The following DOCK10 variants were observed in gnomAD, a reference collection of about 807,000 sequenced individuals.
DOCK10 encodes dedicator of cytokinesis 10.
DOCK10 carries 145 observed loss-of-function variants against 280.1 expected under a neutral mutation model. The observed-to-expected ratio is 0.52, with a 90% CI of 0.45 to 0.59. The LOEUF (loss-of-function observed/expected upper bound fraction) is 0.59. DOCK10 is among the 20% of genes least tolerant of loss of function. The pLI, the probability that DOCK10 is intolerant of heterozygous loss-of-function variation, is 0.00. For missense variants in DOCK10, 2,368 were observed against 2,651.7 expected (o/e 0.89, Z 2.35); for synonymous variants, 915 against 942.2 (o/e 0.97, Z 0.53).
At position 224,804,000 on chromosome 2, in the gene DOCK10, ATGTGTGTGTGTGTGTGTGTG is replaced by A; in HGVS notation, c.4268+92_4268+111del. On this transcript the variant is annotated intron_variant, in intron 39 of 55. Transcript: ENST00000258390. The stretch of plus-strand genomic sequence containing the variant: ...TTGGTTTGAATATATAAATAGAAAT[ATGTGTGTGTGTGTGTGTGTG>A]TGTGTGTGTGTGTCTACCCCTGACA... 3 of 460,880 alleles carry A rather than the reference ATGTGTGTGTGTGTGTGTGTG, an allele frequency of 6.5e-6. 1 individual carries two copies. Among genetic ancestry groups the A allele is most frequent in the Non-Finnish European group, 1.1e-5 (3 of 262,632 alleles). 28.5% of individuals were successfully genotyped at this position (460,880 alleles called of 1,614,324 possible).
At chr2:225,023,597 C>T (rs1171828083) in intron 1 of DOCK10, among the ~76,000 whole-genome samples, 1 of 152,144 alleles carries the variant, frequency 6.6e-6, no homozygotes, top group Non-Finnish European at 1.5e-5. Context: ...ATCTTTCATA[C>T]TGCTTATGAG....
At chr2:224,875,997 A>G in intron 8 of DOCK10, 41 bp downstream of exon 8, 1 of 1,589,956 alleles carries the variant, frequency 6.3e-7, no homozygotes, top group South Asian at 1.1e-5. Context: ...AACACAGGTC[A>G]CACTGGACAA....
intron 1 of DOCK10, among the ~76,000 whole-genome samples, chr2:225,037,521 C>A (rs1690293785): frequency 6.6e-6 from 1 of 152,138 alleles, no homozygotes; most frequent in African/African-American, 2.4e-5. Flanking sequence ...AAGGTAACCC[C>A]TCCAGTTTTC....
chr2:224,982,549 T>G (rs1705804785), intron 1 of DOCK10: 3 of 1,215,416 alleles, frequency 2.5e-6, no homozygotes, highest in Non-Finnish European at 3.1e-6. Context: ...TGGGAAAGAT[T>G]TGATCCACGG....
At chr2:224,860,121 G>C (rs1357654820) in intron 14 of DOCK10, among the ~76,000 whole-genome samples, 1 of 152,148 alleles carries the variant, frequency 6.6e-6, no homozygotes, top group African/African-American at 2.4e-5. Flanking sequence ...GGTTTCATTA[G>C]CTTTCCTATC....
chr2:224,835,805 T>G (rs1198416768), intron 25 of DOCK10, among the ~76,000 whole-genome samples: 1 of 152,248 alleles, frequency 6.6e-6, no homozygotes, highest in African/African-American at 2.4e-5. Context: ...TATTATAAAA[T>G]TGTTATCAGC....
At chr2:224,983,907 T>C in intron 1 of DOCK10, 2 of 470,242 alleles carry the variant, frequency 4.3e-6, no homozygotes, top group South Asian at 3.1e-5. Context: ...ATCTAAACCA[T>C]TTTTACTCTA....
rs760770553 is a variant in DOCK10, at chr2:224,770,186, C to A, written c.6444+25G>T. ...AAAGGGACTTTCTGTCCACTGATAG[C>A]GCGTGTGCACCAAGGAGCGCTCACC... On this transcript the variant is annotated intron_variant, in intron 55 of 55. Coordinates refer to ENST00000258390, the MANE Select transcript of DOCK10 (RefSeq NM_014689.3). This position sits in a 1 kb window ranked among gnomAD's most constrained non-coding sequence, Gnocchi z 4.5. 6.6e-7 allele frequency: 1 copy of A among 1,507,070 alleles called. No individual in the cohort carries two copies. Among genetic ancestry groups the A allele is most frequent in the Non-Finnish European group, 8.9e-7 (1 of 1,126,538 alleles). The allele number at this position is 1,507,070 out of a possible 1,614,324, so 93.4% of individuals were successfully genotyped here.
chr2:224,910,822 C>T (rs1283523956), intron 3 of DOCK10, among the ~76,000 whole-genome samples: 2 of 152,148 alleles, frequency 1.3e-5, no homozygotes, highest in African/African-American at 4.8e-5. Flanking sequence ...GGCTTATCTT[C>T]TTCCCATCCT....
chr2:224,973,575 G>T (rs1187690986), intron 1 of DOCK10, among the ~76,000 whole-genome samples: 2 of 152,080 alleles, frequency 1.3e-5, no homozygotes, highest in African/African-American at 4.8e-5. Flanking sequence ...CCCGAGAAAG[G>T]AATGCAGCTC....
intron 22 of DOCK10, among the ~76,000 whole-genome samples, chr2:224,842,330 CT>C (rs1191255088): frequency 6.6e-6 from 1 of 152,160 alleles, no homozygotes; most frequent in Non-Finnish European, 1.5e-5. Flanking sequence ...CTTAGAATGC[CT>C]GAATTAGCCC....
chr2:224,885,943 T>G, intron 6 of DOCK10, 120 bp downstream of exon 6: 1 of 1,497,714 alleles, frequency 6.7e-7, no homozygotes, highest in South Asian at 1.3e-5. Flanking sequence ...TACTTCCTCA[T>G]AAATAAAATA....
At chr2:224,916,268 C>A (rs1325012163) in intron 3 of DOCK10, among the ~76,000 whole-genome samples, 1 of 152,186 alleles carries the variant, frequency 6.6e-6, no homozygotes, top group Non-Finnish European at 1.5e-5. Context: ...TGGCCGGACG[C>A]GGTGGCTCAT....
intron 1 of DOCK10, among the ~76,000 whole-genome samples, chr2:224,986,891 C>CA (rs1348377868): frequency 6.6e-6 from 1 of 152,148 alleles, no homozygotes; most frequent in African/African-American, 2.4e-5. Flanking sequence ...AGTGAAGCCT[C>CA]AAGGGAATCA....
intron 51 of DOCK10, among the ~76,000 whole-genome samples, chr2:224,776,268 T>C (rs1690858048): frequency 6.6e-6 from 1 of 152,226 alleles, no homozygotes; most frequent in Non-Finnish European, 1.5e-5. Flanking sequence ...TTTGTAATGC[T>C]ACTACTAATT....
At chr2:224,800,292 A>G in intron 40 of DOCK10, 29 bp from the exon 41 acceptor site, 4 of 1,413,564 alleles carry the variant, frequency 2.8e-6, no homozygotes, top group South Asian at 1.2e-5. Flanking sequence ...AACATGCGTA[A>G]AAGTCTAAGA....
chr2:224,996,499 A>G (rs1397512910), intron 1 of DOCK10, among the ~76,000 whole-genome samples: 1 of 152,212 alleles, frequency 6.6e-6, no homozygotes, highest in Non-Finnish European at 1.5e-5. Flanking sequence ...CATATAATTG[A>G]CCATCCAAAC....
chr2:224,873,951 T>G (rs1168912849), intron 11 of DOCK10, 45 bp downstream of exon 11: 2 of 1,566,952 alleles, frequency 1.3e-6, no homozygotes, highest in Non-Finnish European at 1.7e-6. Flanking sequence ...TAGGGTGGTG[T>G]AATGTTGGCT....
rs570245495 is a variant in DOCK10, at chr2:225,033,954, C to T, written c.123+8298G>A. On this transcript the variant is annotated intron_variant, in intron 1 of 55. Transcript: ENST00000258390. ...TTGCAAAGCTTAACTCACTCTGTGC[C>T]AGTCCTGTCTTTGGGAAATGTCTGA... Among the ~76,000 whole-genome samples, 26 of 152,310 alleles carry T rather than the reference C, an allele frequency of 1.7e-4. 2 individuals are homozygous for T. The South Asian group carries it at 5.2e-3, about 30-fold the overall frequency.
Sources: allele counts gnomAD v4.1 joint callset (sites outside exome capture counted in the v4.1 genomes callset), GRCh38; gene constraint gnomAD v4.1.1; non-coding constraint Gnocchi (gnomAD v3.1); transcripts MANE v1.5; gene names NCBI Gene and HGNC (gene_info 2026-07-23, HGNC 2026-07-21).